TJP2: variants seen among roughly 807,000 people sequenced by gnomAD.
TJP2 encodes Friedreich ataxia region gene X104 (tight junction protein ZO-2).
Under a neutral mutation model 133.1 loss-of-function variants are expected in TJP2, and 91 were observed. The ratio of observed to expected loss-of-function variants is 0.68; its 90% CI spans 0.58 to 0.81. TJP2 has a LOEUF of 0.81. TJP2 is among the 40% of genes least tolerant of loss of function. The pLI is 0.00. For missense variants in TJP2, 1,541 were observed against 1,565.6 expected (o/e 0.98, Z 0.26); for synonymous variants, 592 against 583.4 (o/e 1.01, Z -0.21).
At chr9:69,216,581 T>A (rs1828399660) in intron 3 of TJP2, 118 bp downstream of exon 3, 1 of 1,149,934 alleles carries the variant, frequency 8.7e-7, no homozygotes, top group Non-Finnish European at 1.2e-6. Flanking sequence ...AACTTTTATA[T>A]AATATTTGAA....
upstream of TJP2, chr9:69,174,274 G>A: frequency 2.6e-6 from 4 of 1,544,730 alleles, no homozygotes; most frequent in African/African-American, 4.1e-5. Context: ...TGGGCTGCGG[G>A]TCAGAGCACT....
chr9:69,205,205 TTAAAAAGTTGAGGAGATGGAAAGGCCGTG>T (rs767070258), intron 1 of TJP2: 9 of 1,537,138 alleles, frequency 5.9e-6, no homozygotes, highest in Non-Finnish European at 7.8e-6. Flanking sequence ...ATCCAGGCTG[TTAAAAAGTTGAGGAGATGGAAAGGCCGTG>T]TGAGTCCCTC....
At chr9:69,140,806 A>C (rs73449105) in intron 1 of TJP2, among the ~76,000 whole-genome samples, 2,345 of 152,300 alleles carry the variant, frequency 0.015, 66 homozygotes, top group African/African-American at 0.053. Flanking sequence ...CAACAGTAAT[A>C]GGGAGCGGTG....
intron 1 of TJP2, among the ~76,000 whole-genome samples, chr9:69,140,601 T>C (rs939626756): frequency 2.0e-5 from 3 of 152,188 alleles, no homozygotes; most frequent in African/African-American, 2.4e-5. Flanking sequence ...GTTCCTTTCC[T>C]AAAATTCCAG....
intron 1 of TJP2, among the ~76,000 whole-genome samples, chr9:69,146,980 G>A (rs1823240240): frequency 6.6e-6 from 1 of 152,144 alleles, no homozygotes; most frequent in Non-Finnish European, 1.5e-5. Context: ...CTTTAGAATG[G>A]AATTCTGAGG....
At chr9:69,228,681 A>G (rs1829534558) in intron 9 of TJP2, among the ~76,000 whole-genome samples, 1 of 152,204 alleles carries the variant, frequency 6.6e-6, no homozygotes, top group Admixed American at 6.5e-5. Flanking sequence ...ATAAAAAATT[A>G]TATATGGAAG....
At chr9:69,254,140 C>T in intron 22 of TJP2, 69 bp from the exon 23 acceptor site, 2 of 1,578,910 alleles carry the variant, frequency 1.3e-6, no homozygotes, top group Non-Finnish European at 1.7e-6. Context: ...TGCTCAGAGC[C>T]ATGCCTCCCC....
At chr9:69,219,150 G>C (rs1399998614) in intron 4 of TJP2, among the ~76,000 whole-genome samples, 1 of 152,056 alleles carries the variant, frequency 6.6e-6, no homozygotes, top group Non-Finnish European at 1.5e-5. Flanking sequence ...TGTATTTTTA[G>C]TAGAGACGGG....
chr9:69,229,151 G>C, intron 9 of TJP2, 33 bp from the exon 10 acceptor site: 1 of 1,604,600 alleles, frequency 6.2e-7, no homozygotes, highest in Non-Finnish European at 8.5e-7. Context: ...TGTTAGTCCA[G>C]ATTGATAACA....
In TJP2 at chr9:69,220,858, C is replaced by T. The variant is rs761622119; in HGVS notation, c.343-29C>T. 6 of 1,604,234 alleles carry T rather than the reference C, an allele frequency of 3.7e-6. No homozygotes were observed. The East Asian group carries it at 1.1e-4, about 30-fold the overall frequency. ...TCCACATTCAGTTGTGATTGTCCTG[C>T]GTCCACACTGAGTTTGTTTTGACAA... On this transcript the variant is annotated intron_variant, in intron 4 of 22. Transcript: ENST00000377245.
Position 69,218,286 on chromosome 9 carries a change from G to A in TJP2, c.269G>A (p.Gly90Asp). 1 of 1,614,104 alleles carries A rather than the reference G, an allele frequency of 6.2e-7. No individual in the cohort carries two copies. The highest frequency in any genetic ancestry group is 8.5e-7 in the Non-Finnish European group (1 of 1,179,976). The change falls in exon 4 of 23, where the codon GGC becomes GAC. Residue 90 changes from glycine to aspartate, a missense_variant. Gly to Asp is a moderately conservative substitution (Grantham distance 94, BLOSUM62 -1). Transcript: ENST00000377245. The part of the protein sequence containing the change: ...QENDRVVMVN[G>D]TPMEDVLHSF... ...AATGACAGAGTGGTCATGGTCAATG[G>A]CACCCCCATGGAGGATGTGCTTCAT...
intron 11 of TJP2, among the ~76,000 whole-genome samples, chr9:69,230,903 A>G (rs1365230306): frequency 6.6e-6 from 1 of 152,206 alleles, no homozygotes; most frequent in African/African-American, 2.4e-5. Flanking sequence ...AAAATTGTCC[A>G]AGAAAGGGAA....
At position 69,226,030 on chromosome 9, in the gene TJP2, G is replaced by A. The variant is rs1489205250; in HGVS notation, c.1065G>A (p.Gly355=). ...ATTTTTTATAAACACAGATCAATGG[G>A]ACTGTAACTGAGAACATGTCTTTAA... is the stretch of plus-strand genomic sequence containing the variant. ...HEGDIILKIN[G]TVTENMSLTD... is the part of the protein sequence containing the mutation. The change falls in exon 7 of 23, where the codon GGG becomes GGA. Residue 355 remains glycine, a synonymous_variant. Transcript: ENST00000377245. The A allele has an allele frequency of 6.2e-7, 1 of 1,613,952 alleles. No homozygotes were observed. Among genetic ancestry groups the A allele is most frequent in the Non-Finnish European group, 8.5e-7 (1 of 1,179,988 alleles).
chr9:69,157,117 C>G (rs1264709995), intron 2 of TJP2, among the ~76,000 whole-genome samples: 1 of 152,124 alleles, frequency 6.6e-6, no homozygotes, highest in Non-Finnish European at 1.5e-5. Flanking sequence ...TTAGGGTTCC[C>G]CGGCCAAGGA....
At chr9:69,183,884 G>T (rs1205177465) in intron 1 of TJP2, among the ~76,000 whole-genome samples, 1 of 152,092 alleles carries the variant, frequency 6.6e-6, no homozygotes, top group Admixed American at 6.5e-5. Context: ...ACAGGCATGC[G>T]CCACTACACC....
Position 69,174,418 on chromosome 9 carries a change from T to C in TJP2, c.46T>C (p.Ser16Pro), listed in dbSNP as rs1824901561. ...CGGGTTTCCACCCCGGCGGGAGCTG[T>C]CAGGTTGGCTCCGCGTAAGTGCCTC... ...DRGFPPRREL[S>P]GWLRAPGMEE... The change falls in exon 1 of 23, where the codon TCA (serine) becomes CCA (proline). Residue 16 changes from serine (S) to proline (P), a missense_variant. Transcript: ENST00000377245. 2 of 1,551,512 alleles carry C rather than the reference T, an allele frequency of 1.3e-6. No individual in the cohort carries two copies. The highest frequency in any genetic ancestry group is 1.7e-4 in the Middle Eastern group (1 of 5,752).
intron 2 of TJP2, among the ~76,000 whole-genome samples, chr9:69,214,293 C>T (rs1362640007): frequency 6.6e-6 from 1 of 151,972 alleles, no homozygotes; most frequent in East Asian, 1.9e-4. Context: ...GCCATGTTGG[C>T]CAGGCTGATC....
At chr9:69,145,373 G>T (rs549240216) in intron 1 of TJP2, among the ~76,000 whole-genome samples, 1 of 152,310 alleles carries the variant, frequency 6.6e-6, no homozygotes, top group East Asian at 1.9e-4. Context: ...AGTTCTTGAA[G>T]GATTAGCGGC....
intron 2 of TJP2, among the ~76,000 whole-genome samples, chr9:69,158,847 A>C (rs1023151050): frequency 1.3e-5 from 2 of 152,118 alleles, no homozygotes; most frequent in Non-Finnish European, 2.9e-5. Flanking sequence ...CTTCACTCAC[A>C]TCGGTTTTGA....
Sources: allele counts gnomAD v4.1 joint callset (sites outside exome capture counted in the v4.1 genomes callset), GRCh38; gene constraint gnomAD v4.1.1; transcripts MANE v1.5; gene names NCBI Gene and HGNC (gene_info 2026-07-23, HGNC 2026-07-21).